The following ZNF536 variants were observed in gnomAD, a reference collection of about 807,000 sequenced individuals.
ZNF536 encodes the protein zinc finger protein 536.
A neutral mutation model predicts 84.5 loss-of-function variants in ZNF536; 13 were observed. The observed-to-expected ratio is 0.15, with a 90% CI of 0.10 to 0.24. ZNF536 has a LOEUF of 0.24. Ranked by LOEUF, ZNF536 falls within the 10% of genes least tolerant of loss-of-function variation. ZNF536 has a pLI of 1.00. For synonymous variants in ZNF536, 811 were observed against 742.5 expected, an observed-to-expected ratio of 1.09 and a Z score of -1.50; for missense variants, 1,536 against 1,747.5, an observed-to-expected ratio of 0.88 and a Z score of 2.16.
chr19:30,523,583 G>A (rs894603229), intron 2 of ZNF536, among the ~76,000 whole-genome samples: 2 of 152,210 alleles, frequency 1.3e-5, no homozygotes, highest in Admixed American at 6.5e-5. Context: ...AGCCTTTGGA[G>A]ATAGGGACAG....
chr19:30,503,487 A>C (rs773578873), intron 2 of ZNF536, among the ~76,000 whole-genome samples: 4 of 152,278 alleles, frequency 2.6e-5, no homozygotes, highest in Non-Finnish European at 5.9e-5. Context: ...TGTTGAATGA[A>C]AGAAGTGGGC....
chr19:30,388,479 T>TG (rs1459417880), intron 1 of ZNF536, among the ~76,000 whole-genome samples: 2 of 152,148 alleles, frequency 1.3e-5, no homozygotes, highest in Non-Finnish European at 2.9e-5. Context: ...CACTGGAAGG[T>TG]GGGAGTTCCA....
At chr19:30,559,411 C>T (rs2046078325), downstream of ZNF536, among the ~76,000 whole-genome samples, 1 of 152,170 alleles carries the variant, frequency 6.6e-6, no homozygotes, top group South Asian at 2.1e-4. Context: ...GAAGTAGGGC[C>T]CCAGGAGAGG....
chr19:30,307,296 GA>G (rs2046369630), intron 2 of ZNF536, among the ~76,000 whole-genome samples: 2 of 148,914 alleles, frequency 1.3e-5, no homozygotes, highest in Admixed American at 6.7e-5. Flanking sequence ...AAAAAGAAAT[GA>G]AAAACTAGTC....
intron 2 of ZNF536, among the ~76,000 whole-genome samples, chr19:30,482,141 G>A (rs889622925): frequency 4.6e-5 from 7 of 152,210 alleles, no homozygotes; most frequent in African/African-American, 1.4e-4. Context: ...ATGTGTGTGT[G>A]TGTGTGTATT....
intron 1 of ZNF536, among the ~76,000 whole-genome samples, chr19:30,632,127 G>T (rs970190222): frequency 6.6e-6 from 1 of 152,298 alleles, no homozygotes; most frequent in African/African-American, 2.4e-5. Context: ...ACTATTAACT[G>T]TGAGTAATAG....
intron 2 of ZNF536, among the ~76,000 whole-genome samples, chr19:30,463,041 C>A (rs79561615): frequency 2.0e-5 from 1 of 50,044 alleles, no homozygotes; most frequent in South Asian, 7.9e-4. Context: ...TGTATCCGTA[C>A]GCATTTGCCT....
upstream of ZNF536, among the ~76,000 whole-genome samples, chr19:30,225,916 G>GT (rs2022586023): frequency 1.4e-5 from 2 of 140,422 alleles, no homozygotes; most frequent in Non-Finnish European, 3.1e-5. Flanking sequence ...TGGCTGTGAC[G>GT]TTGGCGAGAG....
At chr19:30,683,366 T>G (rs756023848) in intron 1 of ZNF536, among the ~76,000 whole-genome samples, 24 of 152,238 alleles carry the variant, frequency 1.6e-4, no homozygotes, top group Non-Finnish European at 2.8e-4. Context: ...AATAAAGGAA[T>G]TTGAAAGACC....
chr19:30,548,525 A>C lies in ZNF536; in HGVS notation c.2906A>C (p.Glu969Ala). The C allele has an allele frequency of 6.2e-7, 1 of 1,614,150 alleles. No homozygotes were observed. The highest frequency in any genetic ancestry group is 8.5e-7 in the Non-Finnish European group (1 of 1,180,036). Residue 969 changes from glutamate to alanine, a missense_variant, in exon 4 of 5, where the codon GAG (glutamate) becomes GCG (alanine). Glu to Ala is a moderately radical substitution (Grantham distance 107). Coordinates refer to ENST00000355537, the MANE Select transcript of ZNF536 (RefSeq NM_014717.3). The stretch of plus-strand genomic sequence containing the variant: ...GGCAAGTCCTCCCAGAGGAAGTCCG[A>C]GAAATCTCAGTATGAACCCCTGGAC... Reference protein sequence around the residue: ...PSGKSSQRKSEKSQYEPLDLS... With the variant: ...PSGKSSQRKSAKSQYEPLDLS...
intron 1 of ZNF536, among the ~76,000 whole-genome samples, chr19:30,601,189 C>T (rs12978649): frequency 0.46 from 69,748 of 151,976 alleles, 17,540 homozygotes; most frequent in South Asian, 0.58. Context: ...TATGGGGAAA[C>T]TGAGGACTAG....
intron 1 of ZNF536, among the ~76,000 whole-genome samples, chr19:30,236,716 G>A (rs149585605): frequency 6.6e-6 from 1 of 152,242 alleles, no homozygotes; most frequent in Non-Finnish European, 1.5e-5. Flanking sequence ...TTCTTAGTAG[G>A]TGACAAACGA....
At chr19:30,405,921 G>A (rs769791732) in intron 1 of ZNF536, among the ~76,000 whole-genome samples, 1 of 152,072 alleles carries the variant, frequency 6.6e-6, no homozygotes, top group African/African-American at 2.4e-5. Flanking sequence ...GGGATTACAG[G>A]CACCCGCCAA....
At chr19:30,484,226 ATTT>A (rs554903479) in intron 2 of ZNF536, among the ~76,000 whole-genome samples, 1 of 122,014 alleles carries the variant, frequency 8.2e-6, no homozygotes, top group Admixed American at 8.3e-5. Flanking sequence ...TCTCATTTTG[ATTT>A]TTTTTTTTTT....
intron 1 of ZNF536, among the ~76,000 whole-genome samples, chr19:30,570,245 C>A (rs1245142023): frequency 6.6e-6 from 1 of 152,162 alleles, no homozygotes; most frequent in Non-Finnish European, 1.5e-5. Flanking sequence ...CCCCTGGACA[C>A]CCTCCCTCCA....
chr19:30,507,785 C>G (rs561251764), intron 2 of ZNF536, among the ~76,000 whole-genome samples: 1 of 152,252 alleles, frequency 6.6e-6, no homozygotes, highest in South Asian at 2.1e-4. Flanking sequence ...AATATTATGA[C>G]TATTTTAACC....
chr19:30,484,390 C>CTTTTTTTTTTTTT (rs375461433), intron 2 of ZNF536, among the ~76,000 whole-genome samples: 2 of 117,446 alleles, frequency 1.7e-5, no homozygotes, highest in African/African-American at 7.2e-5. Flanking sequence ...TCATGCCCAG[C>CTTTTTTTTTTTTT]TTTTTTTTTT....
chr19:30,402,796 A>AAAAT (rs1555744992), intron 1 of ZNF536, among the ~76,000 whole-genome samples: 21 of 85,598 alleles, frequency 2.5e-4, no homozygotes, highest in South Asian at 9.0e-4. Context: ...AAAATTAAAA[A>AAAAT]ATATATATAT....
At chr19:30,669,554 AGCCCCGGAG>A (rs1417164775) in intron 1 of ZNF536, among the ~76,000 whole-genome samples, 1 of 152,180 alleles carries the variant, frequency 6.6e-6, no homozygotes, top group Non-Finnish European at 1.5e-5. Context: ...CCCTGTCCTC[AGCCCCGGAG>A]AATCCCACTC....
Sources: gnomAD v4.1 joint callset for allele counts (sites outside exome capture counted in the v4.1 genomes callset) on GRCh38, gnomAD v4.1.1 for gene constraint, MANE v1.5 for transcripts, NCBI Gene and HGNC (gene_info 2026-07-23, HGNC 2026-07-21) for gene names.